KHDRBS2: variants seen among roughly 807,000 people sequenced by gnomAD.
KHDRBS2 encodes KH RNA binding domain containing, signal transduction associated 2.
Under a neutral mutation model 44.3 loss-of-function variants are expected in KHDRBS2, and 26 were observed. That is an observed-to-expected ratio of 0.59 (90% confidence interval 0.43 to 0.81). The LOEUF (loss-of-function observed/expected upper bound fraction) is 0.81, where lower values mean the gene tolerates loss of function less well. Ranked by LOEUF, KHDRBS2 falls within the 40% of genes least tolerant of loss-of-function variation. KHDRBS2 has a pLI of 0.00. For missense variants in KHDRBS2, 476 were observed against 433.1 expected (o/e 1.10, Z -0.88); for synonymous variants, 194 against 151.1 (o/e 1.28, Z -2.08).
At chr6:61,921,969 C>A (rs749793336) in intron 4 of KHDRBS2, among the ~76,000 whole-genome samples, 1 of 150,516 alleles carries the variant, frequency 6.6e-6, no homozygotes, top group Non-Finnish European at 1.5e-5. Context: ...AAGATTCTTT[C>A]TTTAGAGTGG....
At position 61,702,516 on chromosome 6, in the gene KHDRBS2, C is replaced by T. The variant is rs1363036447; in HGVS notation, c.894-5263G>A. Among the ~76,000 whole-genome samples, 9 of 152,038 alleles carry T rather than the reference C, an allele frequency of 5.9e-5. No homozygotes were observed. The South Asian group carries it at 1.5e-3, about 25-fold the overall frequency. On this transcript the variant is annotated intron_variant, in intron 7 of 8. Transcript: ENST00000281156. ...TAATATAGTTGGCAATTAATACAATCCCCTGAAGACTAACAGACATTCAGT... is the reference window on the plus strand; with the variant it reads ...TAATATAGTTGGCAATTAATACAATTCCCTGAAGACTAACAGACATTCAGT...
At chr6:61,834,299 T>G (rs1446129146) in intron 6 of KHDRBS2, among the ~76,000 whole-genome samples, 1 of 152,028 alleles carries the variant, frequency 6.6e-6, no homozygotes, top group Non-Finnish European at 1.5e-5. Context: ...GGCATTTTCC[T>G]TACTTTCTTC....
At position 61,945,110 on chromosome 6, in the gene KHDRBS2, AAAGTATAT is replaced by A. The variant is rs1179708498; in HGVS notation, c.483+32948_483+32955del. Among the ~76,000 whole-genome samples the A allele has an allele frequency of 7.3e-4, 34 of 46,272 alleles. 1 individual carries two copies. Among genetic ancestry groups the A allele is most frequent in the South Asian group, 3.6e-3 (5 of 1,372 alleles). 30.4% of individuals were successfully genotyped at this position (46,272 alleles called of 152,430 possible). A position where few individuals can be genotyped will look rare whatever the true frequency, so the allele number is the denominator to read the frequency against. On this transcript the variant is annotated intron_variant, in intron 4 of 8. Coordinates refer to ENST00000281156, the MANE Select transcript of KHDRBS2 (RefSeq NM_152688.4). ...TGTCTTAAAAAAAAAAAAAAAAAAA[AAAGTATAT>A]ATATATATATATATATATATATATA...
rs1267002550 is a variant in KHDRBS2 at position 62,179,391 on chromosome 6, T to A, written c.92-2079A>T. ...CTACATGGAAGTATTAACAAGCCAC[T>A]TTAACTAACTGACTTGTTAAATTGA... On this transcript the variant is annotated intron_variant, in intron 1 of 8. Coordinates refer to ENST00000281156, the MANE Select transcript of KHDRBS2 (RefSeq NM_152688.4). Among the ~76,000 whole-genome samples, 3 of 151,750 alleles carry A rather than the reference T, an allele frequency of 2.0e-5. No homozygotes were observed. The Admixed American group carries it at 2.0e-4, about 10-fold the overall frequency.
chr6:61,867,020 A>G (rs1797898843), intron 6 of KHDRBS2, among the ~76,000 whole-genome samples: 1 of 152,108 alleles, frequency 6.6e-6, no homozygotes, highest in Non-Finnish European at 1.5e-5. Context: ...AACTGTTCCA[A>G]CCACTGCCTG....
At chr6:61,767,708 A>G (rs1780214170) in intron 6 of KHDRBS2, among the ~76,000 whole-genome samples, 1 of 152,160 alleles carries the variant, frequency 6.6e-6, no homozygotes. Context: ...TTTTAAACTG[A>G]TGACAACTTA....
chr6:61,697,721 T>A lies in KHDRBS2; in HGVS notation c.894-468A>T, dbSNP rs371672867. Among the ~76,000 whole-genome samples the A allele has an allele frequency of 2.2e-3, 341 of 152,234 alleles. 1 individual carries two copies. Among genetic ancestry groups the A allele is most frequent in the African/African-American group, 8.0e-3 (332 of 41,558 alleles). On this transcript the variant is annotated intron_variant, in intron 7 of 8. Coordinates refer to ENST00000281156, the MANE Select transcript of KHDRBS2 (RefSeq NM_152688.4). ...ACATCATGTCTGTGCACTCCCCAAA[T>A]ATATAAGCTATTTTGTTTCACTCGA...
At chr6:61,824,815 C>T (rs1354820679) in intron 6 of KHDRBS2, among the ~76,000 whole-genome samples, 1 of 152,044 alleles carries the variant, frequency 6.6e-6, no homozygotes, top group African/African-American at 2.4e-5. Flanking sequence ...CAAATACCTG[C>T]TTATGCACAA....
At chr6:62,072,722 GTGC>G (rs1335166476) in intron 2 of KHDRBS2, among the ~76,000 whole-genome samples, 2 of 152,068 alleles carry the variant, frequency 1.3e-5, no homozygotes. Flanking sequence ...GCTTTTTGAT[GTGC>G]TGCTGGATTC....
At chr6:62,065,482 AG>A (rs1793397014) in intron 2 of KHDRBS2, among the ~76,000 whole-genome samples, 1 of 151,860 alleles carries the variant, frequency 6.6e-6, no homozygotes, top group African/African-American at 2.4e-5. Context: ...TATCCTTTGT[AG>A]GGACATGGAT....
At chr6:61,594,037 C>T in the KHDRBS2 span, among the ~76,000 whole-genome samples, 1 of 151,972 alleles carries the variant, frequency 6.6e-6, no homozygotes, top group African/African-American at 2.4e-5. Flanking sequence ...CTTTATTGAG[C>T]TCATACAAAT....
intron 2 of KHDRBS2, among the ~76,000 whole-genome samples, chr6:62,091,399 G>A (rs1388533768): frequency 6.6e-6 from 1 of 152,072 alleles, no homozygotes; most frequent in African/African-American, 2.4e-5. Flanking sequence ...GAAATCTGAG[G>A]TAATAGTAAT....
rs1442268585 is a variant in KHDRBS2 at position 62,108,660 on chromosome 6, C to T, written c.220-60666G>A. 2.1e-4 allele frequency among the ~76,000 whole-genome samples: 32 copies of T among 152,206 alleles called. 1 individual carries two copies. The highest frequency in any genetic ancestry group is 8.3e-4 in the South Asian group (4 of 4,822). ...GACACATGCACACGTATGTTCATTGCGGCACTATTCACAATAGCAAAGACT... is the reference window on the plus strand; with the variant it reads ...GACACATGCACACGTATGTTCATTGTGGCACTATTCACAATAGCAAAGACT... On this transcript the variant is annotated intron_variant, in intron 2 of 8. Transcript: ENST00000281156.
intron 3 of KHDRBS2, among the ~76,000 whole-genome samples, chr6:62,040,262 C>G (rs1408628414): frequency 6.6e-6 from 1 of 151,960 alleles, no homozygotes; most frequent in Non-Finnish European, 1.5e-5. Context: ...CGCACACGCA[C>G]ACACACACCC....
the KHDRBS2 span, among the ~76,000 whole-genome samples, chr6:61,668,906 TCAATA>T: frequency 2.6e-5 from 4 of 150,974 alleles, no homozygotes; most frequent in Non-Finnish European, 4.5e-5. Flanking sequence ...CTGGGACAAA[TCAATA>T]CAATACAGGA....
the KHDRBS2 span, among the ~76,000 whole-genome samples, chr6:61,608,109 C>T: frequency 0.59 from 89,862 of 152,000 alleles, 26,767 homozygotes; most frequent in Non-Finnish European, 0.61. Flanking sequence ...TTAAAGTCCA[C>T]ATTGGAAGAC....
intron 1 of KHDRBS2, among the ~76,000 whole-genome samples, chr6:62,275,035 AC>A (rs1840702275): frequency 6.6e-6 from 1 of 151,442 alleles, no homozygotes; most frequent in African/African-American, 2.4e-5. Flanking sequence ...ACACACACAC[AC>A]ACACACATAT....
chr6:62,254,955 AT>A (rs2150177404), intron 1 of KHDRBS2, among the ~76,000 whole-genome samples: 1 of 152,218 alleles, frequency 6.6e-6, no homozygotes, highest in African/African-American at 2.4e-5. Context: ...TATATCCAAA[AT>A]AAATGTTAGT....
intron 6 of KHDRBS2, among the ~76,000 whole-genome samples, chr6:61,767,214 T>C (rs905512831): frequency 3.3e-5 from 5 of 152,094 alleles, no homozygotes; most frequent in African/African-American, 1.2e-4. Flanking sequence ...AATGATCTCC[T>C]TTGTCTTTTA....
Sources: allele counts gnomAD v4.1 joint callset (sites outside exome capture counted in the v4.1 genomes callset), GRCh38; gene constraint gnomAD v4.1.1; transcripts MANE v1.5; gene names NCBI Gene and HGNC (gene_info 2026-07-23, HGNC 2026-07-21).